TAF3: variants seen among roughly 807,000 people sequenced by gnomAD.
The protein encoded by TAF3 is transcription initiation factor TFIID subunit 3.
In TAF3, 7 loss-of-function variants were observed where a neutral mutation model predicts 80.6. The ratio of observed to expected loss-of-function variants is 0.09; its 90% CI spans 0.05 to 0.16. The LOEUF is 0.16. Ranked by LOEUF, TAF3 falls within the 10% of genes least tolerant of loss-of-function variation. The pLI, the probability that TAF3 is intolerant of heterozygous loss-of-function variation, is 1.00. For missense variants in TAF3, 921 were observed against 1,140.2 expected (o/e 0.81, Z 2.77); for synonymous variants, 444 against 446.1 (o/e 1.00, Z 0.06).
At chr10:7,924,407 C>T (rs1382656045) in intron 2 of TAF3, among the ~76,000 whole-genome samples, 1 of 152,158 alleles carries the variant, frequency 6.6e-6, no homozygotes. Context: ...TAGTAAGTGT[C>T]TATGCTTGCC....
intron 2 of TAF3, among the ~76,000 whole-genome samples, chr10:7,865,967 G>A (rs1309879706): frequency 6.6e-6 from 1 of 152,176 alleles, no homozygotes; most frequent in Non-Finnish European, 1.5e-5. Flanking sequence ...AGCATGTGGT[G>A]CACCATGTTC....
intron 2 of TAF3, among the ~76,000 whole-genome samples, chr10:7,851,900 C>T (rs1009555540): frequency 2.6e-5 from 4 of 151,852 alleles, no homozygotes; most frequent in South Asian, 2.1e-4. Flanking sequence ...ATCCTCCCAC[C>T]TCCTGAGTAG....
At chr10:7,900,214 T>C (rs1157684114) in intron 2 of TAF3, among the ~76,000 whole-genome samples, 6 of 152,218 alleles carry the variant, frequency 3.9e-5, no homozygotes, top group Admixed American at 1.3e-4. Context: ...TACCATTTTC[T>C]CTGTTATTTC....
intron 2 of TAF3, among the ~76,000 whole-genome samples, chr10:7,900,827 T>G (rs917979055): frequency 2.0e-5 from 3 of 152,194 alleles, no homozygotes; most frequent in African/African-American, 7.2e-5. Flanking sequence ...AGATTTTGAT[T>G]AGAAGCACAT....
intron 4 of TAF3, among the ~76,000 whole-genome samples, chr10:7,980,736 C>T (rs1831718635): frequency 6.6e-6 from 1 of 152,226 alleles, no homozygotes; most frequent in Admixed American, 6.5e-5. Flanking sequence ...CAGCTTGCCT[C>T]AGAGCCACTG....
At chr10:7,971,947 T>C (rs1831627173) in intron 3 of TAF3, among the ~76,000 whole-genome samples, 1 of 152,250 alleles carries the variant, frequency 6.6e-6, no homozygotes, top group African/African-American at 2.4e-5. Flanking sequence ...AATGTATTTT[T>C]AGTTACCTAC....
intron 4 of TAF3, among the ~76,000 whole-genome samples, chr10:7,992,782 T>G (rs556938774): frequency 1.5e-4 from 23 of 152,336 alleles, no homozygotes; most frequent in African/African-American, 5.5e-4. Flanking sequence ...ATTAATATTT[T>G]CAAACATAAA....
intron 5 of TAF3, among the ~76,000 whole-genome samples, chr10:8,011,686 AC>A (rs1832057506): frequency 6.6e-6 from 1 of 152,040 alleles, no homozygotes; most frequent in Admixed American, 6.5e-5. Context: ...AGGCAACATC[AC>A]CCCCAAATGG....
At chr10:7,992,376 T>A (rs1041972809) in intron 4 of TAF3, among the ~76,000 whole-genome samples, 5 of 152,228 alleles carry the variant, frequency 3.3e-5, no homozygotes, top group Admixed American at 1.3e-4. Flanking sequence ...GGTAGTAGAC[T>A]TGAAAATAGT....
At chr10:7,976,012 A>T (rs997871795) in intron 3 of TAF3, among the ~76,000 whole-genome samples, 1 of 152,184 alleles carries the variant, frequency 6.6e-6, no homozygotes, top group African/African-American at 2.4e-5. Flanking sequence ...AGACTTGGAG[A>T]TAGACAGTAA....
chr10:7,823,897 C>T (rs1466988181), intron 1 of TAF3, among the ~76,000 whole-genome samples: 1 of 151,064 alleles, frequency 6.6e-6, no homozygotes, highest in African/African-American at 2.4e-5. Flanking sequence ...CCTCTCAGTG[C>T]TGGGATTACA....
intron 2 of TAF3, among the ~76,000 whole-genome samples, chr10:7,904,209 A>G (rs960131819): frequency 1.3e-5 from 2 of 152,170 alleles, no homozygotes; most frequent in Non-Finnish European, 2.9e-5. Flanking sequence ...GCAGTGGGTT[A>G]TCTCAAATAG....
intron 2 of TAF3, among the ~76,000 whole-genome samples, chr10:7,867,434 G>A (rs1402348001): frequency 6.6e-6 from 1 of 152,114 alleles, no homozygotes; most frequent in Admixed American, 6.6e-5. Context: ...TTAAATTACA[G>A]CTCGCAAATA....
At chr10:7,846,217 G>A (rs187645480) in intron 2 of TAF3, among the ~76,000 whole-genome samples, 1,557 of 152,108 alleles carry the variant, frequency 0.01, 18 homozygotes, top group Middle Eastern at 0.041. Flanking sequence ...TTGGCCTCCC[G>A]AAGTGCTGGC....
At position 7,949,283 on chromosome 10, in the gene TAF3, G is replaced by A. The variant is rs142800792; in HGVS notation, c.410-14637G>A. ...GCTGCCTTAATAATAAAGCACAGCC[G>A]GAAATAAAGAGTGGGCTGCTTAGCA... On this transcript the variant is annotated intron_variant, in intron 2 of 6. Transcript: ENST00000344293. 1.5e-4 allele frequency among the ~76,000 whole-genome samples: 23 copies of A among 152,318 alleles called. No individual in the cohort carries two copies. In the East Asian group the frequency reaches 2.7e-3, roughly 18 times the overall value.
chr10:7,836,593 C>T (rs1022240079), intron 2 of TAF3, among the ~76,000 whole-genome samples: 2 of 152,062 alleles, frequency 1.3e-5, no homozygotes. Context: ...ATTTTCTTAC[C>T]ACGAATACAC....
At chr10:7,834,501 C>T (rs1236798743) in intron 2 of TAF3, among the ~76,000 whole-genome samples, 6 of 151,536 alleles carry the variant, frequency 4.0e-5, no homozygotes, top group African/African-American at 1.2e-4. Flanking sequence ...ATATATAACT[C>T]GGTTGTTCAT....
chr10:7,888,003 C>T (rs1021507877), intron 2 of TAF3, among the ~76,000 whole-genome samples: 4 of 152,182 alleles, frequency 2.6e-5, no homozygotes, highest in African/African-American at 9.7e-5. Flanking sequence ...CCTGCCACCA[C>T]CGCCATTGTG....
chr10:7,884,344 TC>T (rs1434552735), intron 2 of TAF3, among the ~76,000 whole-genome samples: 1 of 150,868 alleles, frequency 6.6e-6, no homozygotes, highest in East Asian at 2.0e-4. Context: ...TTCTTGTACT[TC>T]CAGCTTTAGC....
Sources: allele counts gnomAD v4.1 joint callset (sites outside exome capture counted in the v4.1 genomes callset), GRCh38; gene constraint gnomAD v4.1.1; transcripts MANE v1.5; gene names NCBI Gene and HGNC (gene_info 2026-07-23, HGNC 2026-07-21).